Variants in PARP11 observed in about 807,000 individuals in gnomAD.
PARP11 encodes protein mono-ADP-ribosyltransferase PARP11.
Under a neutral mutation model 42.9 loss-of-function variants are expected in PARP11, and 31 were observed. That is an observed-to-expected ratio of 0.72 (90% CI 0.54 to 0.98). The LOEUF is 0.98. PARP11 is among the 50% of genes least tolerant of loss of function. The pLI, the probability that PARP11 is intolerant of heterozygous loss-of-function variation, is 0.00. For missense variants in PARP11, 365 were observed against 413.1 expected (o/e 0.88, Z 1.01); for synonymous variants, 137 against 127.3 (o/e 1.08, Z -0.51).
intron 6 of PARP11, among the ~76,000 whole-genome samples, chr12:3,819,232 A>G (rs962579204): frequency 2.0e-5 from 3 of 152,184 alleles, no homozygotes; most frequent in African/African-American, 7.2e-5. Flanking sequence ...CTACCATTCT[A>G]TAATCTTAAT....
chr12:3,856,345 G>C (rs965486176), intron 1 of PARP11, among the ~76,000 whole-genome samples: 8 of 151,918 alleles, frequency 5.3e-5, no homozygotes, highest in Non-Finnish European at 1.2e-4. Context: ...CTACAGAATG[G>C]GAAAAAATTT....
rs1322241805 is a variant in PARP11, at chr12:3,811,786, T to G, written c.*337A>C. On this transcript the variant is annotated 3_prime_UTR_variant, in exon 8 of 8. Transcript: ENST00000228820. ...ACGAATAAGTCTATTTAAACTAAAATCATTTATCCTGATAACACACACGTA... is the reference window on the plus strand; with the variant it reads ...ACGAATAAGTCTATTTAAACTAAAAGCATTTATCCTGATAACACACACGTA... 1 of 220,394 alleles carries G rather than the reference T, an allele frequency of 4.5e-6. No individual in the cohort carries two copies. Among genetic ancestry groups the G allele is most frequent in the African/African-American group, 2.3e-5 (1 of 43,964 alleles). 13.7% of individuals were successfully genotyped at this position (220,394 alleles called of 1,614,324 possible). A position where few individuals can be genotyped will look rare whatever the true frequency, so the allele number is the denominator to read the frequency against.
intron 1 of PARP11, among the ~76,000 whole-genome samples, chr12:3,838,506 T>TA (rs1008321581): frequency 1.3e-5 from 2 of 151,866 alleles, no homozygotes; most frequent in East Asian, 1.9e-4. Context: ...AGTACACTTC[T>TA]AAAAAAAGAA....
At chr12:3,835,870 G>A (rs1229328459) in intron 1 of PARP11, among the ~76,000 whole-genome samples, 1 of 151,884 alleles carries the variant, frequency 6.6e-6, no homozygotes, top group African/African-American at 2.4e-5. Flanking sequence ...AAAAATTGCA[G>A]AAAAATAAAC....
At chr12:3,870,111 C>T (rs1444273627) in intron 1 of PARP11, among the ~76,000 whole-genome samples, 6 of 152,068 alleles carry the variant, frequency 3.9e-5, no homozygotes, top group Admixed American at 6.5e-5. Context: ...ATTTTCAGAC[C>T]GCAGCTGACT....
chr12:3,823,298 G>C (rs1398202801), intron 4 of PARP11, among the ~76,000 whole-genome samples: 1 of 152,144 alleles, frequency 6.6e-6, no homozygotes, highest in Non-Finnish European at 1.5e-5. Context: ...CCATCTCCTG[G>C]TAATTAGTTT....
At chr12:3,816,574 C>T (rs1312579188) in intron 6 of PARP11, among the ~76,000 whole-genome samples, 1 of 152,176 alleles carries the variant, frequency 6.6e-6, no homozygotes, top group African/African-American at 2.4e-5. Flanking sequence ...CTATGGTAAT[C>T]CTATTAGTTA....
At chr12:3,870,202 G>A (rs887330820) in intron 1 of PARP11, among the ~76,000 whole-genome samples, 3 of 152,158 alleles carry the variant, frequency 2.0e-5, no homozygotes, top group South Asian at 2.1e-4. Flanking sequence ...AAACCCACAC[G>A]TAGAATGTTG....
intron 1 of PARP11, among the ~76,000 whole-genome samples, chr12:3,839,229 G>A (rs982525883): frequency 3.3e-5 from 5 of 150,342 alleles, no homozygotes; most frequent in African/African-American, 1.2e-4. Context: ...ACCCCAGGCC[G>A]GGGCGTCGAG....
rs1018969874 is a variant in PARP11, at chr12:3,825,815, C to T, written c.344+343G>A. Among the ~76,000 whole-genome samples the T allele has an allele frequency of 2.0e-5, 3 of 152,128 alleles. No homozygotes were observed. The East Asian group carries it at 5.8e-4, about 29-fold the overall frequency. ...CATCTCGGCTCACTTCAAGCTCCGCCTCACGGGTTCACACCATTCTCCTGA... is the reference window on the plus strand; with the variant it reads ...CATCTCGGCTCACTTCAAGCTCCGCTTCACGGGTTCACACCATTCTCCTGA... On this transcript the variant is annotated intron_variant, in intron 4 of 7. Coordinates refer to ENST00000228820, the MANE Select transcript of PARP11 (RefSeq NM_020367.6).
chr12:3,830,597 T>G (rs759304554), intron 1 of PARP11, among the ~76,000 whole-genome samples: 4 of 152,196 alleles, frequency 2.6e-5, no homozygotes, highest in South Asian at 2.1e-4. Flanking sequence ...AGTCTGGATG[T>G]ATATATAACA....
chr12:3,836,405 T>C (rs1169480388), intron 1 of PARP11, among the ~76,000 whole-genome samples: 1 of 151,590 alleles, frequency 6.6e-6, no homozygotes, highest in African/African-American at 2.4e-5. Flanking sequence ...GAAGGTGAAA[T>C]AAAGATATTG....
rs540166044 is a variant in PARP11 at position 3,814,672 on chromosome 12, G to A, written c.549-484C>T. Among the ~76,000 whole-genome samples the A allele has an allele frequency of 1.1e-4, 16 of 152,258 alleles. 1 individual carries two copies. Among genetic ancestry groups the A allele is most frequent in the African/African-American group, 3.4e-4 (14 of 41,554 alleles). On this transcript the variant is annotated intron_variant, in intron 6 of 7. Coordinates refer to ENST00000228820, the MANE Select transcript of PARP11 (RefSeq NM_020367.6). ...GTTGGGAGGGACATTAAGCCATCCAGTTTAATCCTCTTCCCAAGGATAAAT... is the reference window on the plus strand; with the variant it reads ...GTTGGGAGGGACATTAAGCCATCCAATTTAATCCTCTTCCCAAGGATAAAT...
chr12:3,828,853 T>C (rs921961101), intron 3 of PARP11, 57 bp downstream of exon 3: 18 of 1,502,274 alleles, frequency 1.2e-5, no homozygotes, highest in Non-Finnish European at 1.4e-5. Context: ...TTCAGAGCTG[T>C]AGATTTTATC....
chr12:3,842,520 G>A, intron 1 of PARP11: 7 of 1,562,498 alleles, frequency 4.5e-6, no homozygotes, highest in African/African-American at 1.4e-5. Flanking sequence ...ACGCTTGACG[G>A]TTGTTGCCGA....
At chr12:3,815,893 G>A (rs1469601138) in intron 6 of PARP11, among the ~76,000 whole-genome samples, 1 of 152,210 alleles carries the variant, frequency 6.6e-6, no homozygotes, top group East Asian at 1.9e-4. Context: ...TAGGCAGCTC[G>A]TTGAATATGT....
chr12:3,824,018 G>A (rs1221096455), intron 4 of PARP11, among the ~76,000 whole-genome samples: 1 of 151,988 alleles, frequency 6.6e-6, no homozygotes. Flanking sequence ...GAATTTCTGA[G>A]TCAAAGAATA....
At chr12:3,868,188 C>T (rs1269434336) in intron 1 of PARP11, among the ~76,000 whole-genome samples, 3 of 152,110 alleles carry the variant, frequency 2.0e-5, no homozygotes, top group Non-Finnish European at 1.5e-5. Flanking sequence ...GGGCCAGGCA[C>T]GGTGGTTCAC....
intron 1 of PARP11, chr12:3,841,492 G>A: frequency 6.6e-7 from 1 of 1,508,480 alleles, no homozygotes; most frequent in Non-Finnish European, 9.2e-7. Context: ...GCAGACTGAG[G>A]CTAGTGTTAA....
Sources: gnomAD v4.1 joint callset for allele counts (sites outside exome capture counted in the v4.1 genomes callset) on GRCh38, gnomAD v4.1.1 for gene constraint, MANE v1.5 for transcripts, NCBI Gene and HGNC (gene_info 2026-07-23, HGNC 2026-07-21) for gene names.